The following UGGT2 variants were observed in gnomAD, a reference collection of about 807,000 sequenced individuals.
UGGT2 encodes the protein UDP-glucose glycoprotein glucosyltransferase 2.
Under a neutral mutation model 192.1 loss-of-function variants are expected in UGGT2, and 180 were observed. That is an observed-to-expected ratio of 0.94 (90% CI 0.83 to 1.06). The LOEUF is 1.06. Among genes scored for constraint, UGGT2 ranks in the 50% least tolerant of loss-of-function variants. The pLI is 0.00. For missense variants in UGGT2, 1,849 were observed against 1,795.7 expected, an observed-to-expected ratio of 1.03 and a Z score of -0.54; for synonymous variants, 580 against 591.0, an observed-to-expected ratio of 0.98 and a Z score of 0.27.
At position 96,007,447 on chromosome 13, in the gene UGGT2, G is replaced by A. The variant is rs150728206; in HGVS notation, c.660+5860C>T. ...ATTCAACATAATACTAGAAGCCTTA[G>A]CCAGAGTAATAAGGCAAGAGAAATA... On this transcript the variant is annotated intron_variant, in intron 5 of 38. Transcript: ENST00000376747. Among the ~76,000 whole-genome samples, 1,467 of 152,178 alleles carry A rather than the reference G, an allele frequency of 9.6e-3. 25 individuals are homozygous for A. Among genetic ancestry groups the A allele is most frequent in the African/African-American group, 0.034 (1,401 of 41,506 alleles).
chr13:96,051,243 A>G (rs1305040924), intron 1 of UGGT2, among the ~76,000 whole-genome samples: 4 of 152,192 alleles, frequency 2.6e-5, no homozygotes, highest in Non-Finnish European at 4.4e-5. Flanking sequence ...TAGAAAACCA[A>G]ACACCTCATG....
intron 38 of UGGT2, among the ~76,000 whole-genome samples, chr13:95,831,100 G>T (rs999696937): frequency 6.6e-6 from 1 of 151,964 alleles, no homozygotes; most frequent in African/African-American, 2.4e-5. Flanking sequence ...GACACAGGGT[G>T]GGGAACACCA....
intron 11 of UGGT2, 121 bp from the exon 12 acceptor site, chr13:95,970,383 G>A: frequency 2.5e-6 from 2 of 801,830 alleles, no homozygotes; most frequent in Non-Finnish European, 3.9e-6. Context: ...TTAATAGCAG[G>A]AAAAATATAT....
chr13:95,902,476 T>A (rs954519578), intron 21 of UGGT2, among the ~76,000 whole-genome samples: 3 of 152,108 alleles, frequency 2.0e-5, no homozygotes, highest in Non-Finnish European at 4.4e-5. Context: ...CAATATGTAT[T>A]TTTTGAATGA....
chr13:95,925,859 TA>T lies in UGGT2; in HGVS notation c.2201-86del, dbSNP rs373496312. On this transcript the variant is annotated intron_variant, in intron 19 of 38. Transcript: ENST00000376747. ...AGGGGAACATGTGCAGTTAACACAT[TA>T]AAAAAAATTAAAATAATATTTCTGA... 1,170 of 779,790 alleles carry T rather than the reference TA, an allele frequency of 1.5e-3. 6 individuals carry two copies. Among genetic ancestry groups the T allele is most frequent in the African/African-American group, 0.011 (643 of 56,228 alleles). 48.3% of individuals were successfully genotyped at this position (779,790 alleles called of 1,614,324 possible).
Position 95,927,111 on chromosome 13 carries a change from T to C in UGGT2, c.2117A>G (p.Glu706Gly). 2.5e-6 allele frequency: 4 copies of C among 1,610,414 alleles called. No homozygotes were observed. The highest frequency in any genetic ancestry group is 3.4e-6 in the Non-Finnish European group (4 of 1,179,040). ...CAAGAAAAAGAAAGTAGAGAAATCT[T>C]CAACATCAGCAGTTACTGAAAAATT... ...LISTSVTADV[E>G]DFSTFFFLDS... The change falls in exon 19 of 39, where the codon GAA (glutamate) becomes GGA (glycine). Residue 706 changes from glutamate (E) to glycine (G), a missense_variant. Glu to Gly is a moderately conservative substitution (Grantham distance 98, BLOSUM62 -2). Coordinates refer to ENST00000376747, the MANE Select transcript of UGGT2 (RefSeq NM_020121.4).
At chr13:95,903,839 C>G (rs1368387879) in intron 20 of UGGT2, among the ~76,000 whole-genome samples, 1 of 152,146 alleles carries the variant, frequency 6.6e-6, no homozygotes, top group African/African-American at 2.4e-5. Flanking sequence ...AGATAACAAA[C>G]AGTTCCATTA....
At chr13:96,027,887 T>C (rs1424808660) in intron 2 of UGGT2, among the ~76,000 whole-genome samples, 3 of 152,238 alleles carry the variant, frequency 2.0e-5, no homozygotes, top group Non-Finnish European at 4.4e-5. Context: ...TATTACTTGA[T>C]CTGTCTACAG....
rs537507969 is a variant in UGGT2, at chr13:95,851,621, G to C, written c.4284+1922C>G. Among the ~76,000 whole-genome samples, 3 of 152,304 alleles carry C rather than the reference G, an allele frequency of 2.0e-5. No individual in the cohort carries two copies. The South Asian group carries it at 6.2e-4, about 32-fold the overall frequency. ...AGGTTGAAAACATCCGTGCTGCAAAGAGGCACATAAAAACAAACAAGAAGT... is the reference window on the plus strand; with the variant it reads ...AGGTTGAAAACATCCGTGCTGCAAACAGGCACATAAAAACAAACAAGAAGT... On this transcript the variant is annotated intron_variant, in intron 36 of 38. Coordinates refer to ENST00000376747, the MANE Select transcript of UGGT2 (RefSeq NM_020121.4).
chr13:95,995,334 G>T (rs1001721630), intron 7 of UGGT2: 1 of 151,844 alleles, frequency 6.6e-6, no homozygotes, highest in Non-Finnish European at 1.5e-5. Flanking sequence ...TATAAAATTG[G>T]TTCAATCCAG....
intron 30 of UGGT2, among the ~76,000 whole-genome samples, chr13:95,864,063 C>T (rs1015455033): frequency 1.3e-5 from 2 of 152,122 alleles, no homozygotes; most frequent in East Asian, 3.9e-4. Flanking sequence ...GCTCACTTAT[C>T]GTTATCCCTT....
intron 20 of UGGT2, among the ~76,000 whole-genome samples, chr13:95,923,456 C>T (rs2048913581): frequency 6.6e-6 from 1 of 151,486 alleles, no homozygotes; most frequent in Non-Finnish European, 1.5e-5. Context: ...GCAACCTCCG[C>T]CTCCCGGGTT....
At position 96,003,762 on chromosome 13, in the gene UGGT2, A is replaced by G. The variant is rs568549830; in HGVS notation, c.661-4455T>C. 3.3e-5 allele frequency among the ~76,000 whole-genome samples: 5 copies of G among 152,318 alleles called. No homozygotes were observed. The South Asian group carries it at 1.0e-3, about 32-fold the overall frequency. ...TTGAATCCCCAAGCTCTAATCTAGT[A>G]CTGAATGACCCTCACTGCATGAACA... On this transcript the variant is annotated intron_variant, in intron 5 of 38. Transcript: ENST00000376747.
intron 6 of UGGT2, 75 bp from the exon 7 acceptor site, chr13:95,996,210 A>T: frequency 7.1e-7 from 1 of 1,403,688 alleles, no homozygotes; most frequent in Non-Finnish European, 1.0e-6. Context: ...ATCAAAAATT[A>T]GAAGAACTTG....
intron 20 of UGGT2, among the ~76,000 whole-genome samples, chr13:95,906,095 A>G (rs540302983): frequency 6.6e-6 from 1 of 152,140 alleles, no homozygotes; most frequent in Non-Finnish European, 1.5e-5. Flanking sequence ...CAGTAAAGCA[A>G]TTATCACTTT....
chr13:95,818,364 G>A lies in UGGT2; in HGVS notation c.4528+14563C>T, dbSNP rs142833605. ...ACATCTGTTTCCAGAACAACATGGCGGCAGCTTATTTGTGAATTGTCCCTC... is the reference window on the plus strand; with the variant it reads ...ACATCTGTTTCCAGAACAACATGGCAGCAGCTTATTTGTGAATTGTCCCTC... On this transcript the variant is annotated intron_variant, in intron 38 of 38. Transcript: ENST00000376747. Among the ~76,000 whole-genome samples the A allele has an allele frequency of 2.1e-3, 319 of 152,258 alleles. 3 individuals carry two copies. Among genetic ancestry groups the A allele is most frequent in the African/African-American group, 7.1e-3 (297 of 41,554 alleles).
In UGGT2 at chr13:95,989,135, C is replaced by T. The variant is rs2051381020; in HGVS notation, c.931+838G>A. Among the ~76,000 whole-genome samples the T allele has an allele frequency of 2.6e-5, 4 of 151,928 alleles. No homozygotes were observed. In the South Asian group the frequency reaches 8.3e-4, roughly 31 times the overall value. ...CTAAAATCAACTGTGTTAAGAGTGG[C>T]AGCATTCTAAAAATATGCTAAAAAC... On this transcript the variant is annotated intron_variant, in intron 8 of 38. Transcript: ENST00000376747.
At chr13:95,952,114 G>A (rs1342708072) in intron 12 of UGGT2, among the ~76,000 whole-genome samples, 4 of 151,734 alleles carry the variant, frequency 2.6e-5, no homozygotes. Context: ...TTGGCAACAG[G>A]TTAAGGAAAA....
intron 10 of UGGT2, among the ~76,000 whole-genome samples, chr13:95,974,968 G>C (rs1354909874): frequency 6.6e-6 from 1 of 151,906 alleles, no homozygotes. Flanking sequence ...TGTAGTCCCA[G>C]TACTCGGGAG....
Sources: allele counts gnomAD v4.1 joint callset (sites outside exome capture counted in the v4.1 genomes callset), GRCh38; gene constraint gnomAD v4.1.1; transcripts MANE v1.5; gene names NCBI Gene and HGNC (gene_info 2026-07-23, HGNC 2026-07-21).